PHC2: variants seen among roughly 807,000 people sequenced by gnomAD.
PHC2 encodes polyhomeotic homolog 2.
PHC2 carries 29 observed loss-of-function variants against 87.4 expected under a neutral mutation model. That is an observed-to-expected ratio of 0.33 (90% CI 0.25 to 0.45). The LOEUF is 0.45. Among genes scored for constraint, PHC2 ranks in the 20% least tolerant of loss-of-function variants. The pLI is 1.00. For missense variants in PHC2, 857 were observed against 1,136.7 expected (o/e 0.75, Z 3.54); for synonymous variants, 438 against 461.7 (o/e 0.95, Z 0.66).
intron 14 of PHC2, among the ~76,000 whole-genome samples, chr1:33,326,679 C>T (rs1003419841): frequency 6.6e-6 from 1 of 152,306 alleles, no homozygotes; most frequent in African/African-American, 2.4e-5. Flanking sequence ...GTAGGCCGGG[C>T]GCAGTGGCTC....
chr1:33,339,295 C>G (rs1277932090), intron 9 of PHC2, among the ~76,000 whole-genome samples: 1 of 152,144 alleles, frequency 6.6e-6, no homozygotes, highest in African/African-American at 2.4e-5. Context: ...ATATAGAATA[C>G]AGGGCTGCCT....
chr1:33,346,409 A>C (rs1408909257), intron 9 of PHC2: 2 of 985,314 alleles, frequency 2.0e-6, no homozygotes, highest in African/African-American at 3.5e-5. Context: ...ATAAAAGAGA[A>C]ACTATCAATT....
At chr1:33,325,150 G>T in intron 14 of PHC2, 131 bp from the exon 15 acceptor site, 1 of 899,432 alleles carries the variant, frequency 1.1e-6, no homozygotes, top group Non-Finnish European at 1.6e-6. Context: ...ACCACGCCTT[G>T]AGGAAGGCGC....
chr1:33,334,429 T>G lies in PHC2; in HGVS notation c.1559-137A>C. ...CGACAATGCAAACCAAGCAGTCCCC[T>G]CCCCTCAGTGACCCATTTAAAAGTG... On this transcript the variant is annotated intron_variant, in intron 9 of 14. Coordinates refer to ENST00000683057, the MANE Select transcript of PHC2 (RefSeq NM_001385109.1). The surrounding 1 kb of genome is among the most constrained non-coding windows in gnomAD (Gnocchi z 5.5). 1.4e-6 allele frequency: 1 copy of G among 704,120 alleles called. No homozygotes were observed. Among genetic ancestry groups the G allele is most frequent in the Non-Finnish European group, 2.4e-6 (1 of 414,888 alleles). 43.6% of individuals were successfully genotyped at this position (704,120 alleles called of 1,614,324 possible).
chr1:33,407,155 T>C (rs535965866), intron 1 of PHC2, among the ~76,000 whole-genome samples: 1 of 152,358 alleles, frequency 6.6e-6, no homozygotes, highest in East Asian at 1.9e-4. Flanking sequence ...ATAGATTCCC[T>C]TCTTGCAGAT....
rs561418548 is a variant in PHC2 at position 33,367,338 on chromosome 1, G to T, written c.754C>A (p.Leu252Met). ...TGGCTACCGCCCGGCGTGGGTTTCAGGGCCAAGCTGGGCAGGACAGGCTGA... is the reference window on the plus strand; with the variant it reads ...TGGCTACCGCCCGGCGTGGGTTTCATGGCCAAGCTGGGCAGGACAGGCTGA... Reference protein sequence around the residue: ...PTQPVLPSLALKPTPGGSQPL... With the variant: ...PTQPVLPSLAMKPTPGGSQPL... The change falls in exon 7 of 15, where the codon CTG becomes ATG. Residue 252 changes from leucine (L) to methionine (M), a missense_variant. Physicochemically the swap from Leu to Met is conservative, Grantham distance 15 (BLOSUM62 2). Coordinates refer to ENST00000683057, the MANE Select transcript of PHC2 (RefSeq NM_001385109.1). 10 of 1,613,152 alleles carry T rather than the reference G, an allele frequency of 6.2e-6. No homozygotes were observed. In the East Asian group the frequency reaches 2.0e-4, roughly 32 times the overall value.
intron 1 of PHC2, among the ~76,000 whole-genome samples, chr1:33,413,202 G>C (rs1476364939): frequency 6.6e-6 from 1 of 152,138 alleles, no homozygotes; most frequent in Non-Finnish European, 1.5e-5. Flanking sequence ...CCTGACCTCA[G>C]ATGATCCCCC....
At chr1:33,326,897 C>T (rs1047810729) in intron 14 of PHC2, among the ~76,000 whole-genome samples, 4 of 152,064 alleles carry the variant, frequency 2.6e-5, no homozygotes, top group Admixed American at 6.5e-5. Flanking sequence ...TGCAGTGAGC[C>T]GAGATCACGC....
At chr1:33,430,533 C>G (rs999798448) in intron 1 of PHC2, among the ~76,000 whole-genome samples, 1 of 152,112 alleles carries the variant, frequency 6.6e-6, no homozygotes, top group Non-Finnish European at 1.5e-5. Flanking sequence ...CAGGCGCAGG[C>G]CGCGCAAGAC....
rs1398926854 is a variant in PHC2 at position 33,328,878 on chromosome 1, G to C, written c.2417C>G (p.Ser806Cys). ...NVEDVYEFIR[S>C]LPGCQEIAEE... ...ATTTCCAAGGGCCTTACCTGGCAGA[G>C]AGCGGATGAATTCGTAGACGTCTTC... The change falls in exon 14 of 15, where the codon TCT (serine) becomes TGT (cysteine). Residue 806 changes from serine (S) to cysteine (C), a missense_variant. Physicochemically the swap from Ser to Cys is moderately radical, Grantham distance 112. Around this residue, in one of 3 missense-constraint regions of PHC2, gnomAD observed 832 missense variants for 1,081.8 expected, o/e 0.77. Coordinates refer to ENST00000683057, the MANE Select transcript of PHC2 (RefSeq NM_001385109.1). 1.2e-6 allele frequency: 2 copies of C among 1,607,134 alleles called. No individual in the cohort carries two copies. The highest frequency in any genetic ancestry group is 1.7e-6 in the Non-Finnish European group (2 of 1,174,280).
intron 7 of PHC2, chr1:33,359,053 T>G (rs557847452): frequency 3.3e-5 from 5 of 152,242 alleles, no homozygotes; most frequent in Non-Finnish European, 5.9e-5. Flanking sequence ...TGTACCTCTA[T>G]GTCATCATCT....
chr1:33,358,346 A>T (rs1469903743), intron 7 of PHC2, among the ~76,000 whole-genome samples: 1 of 152,104 alleles, frequency 6.6e-6, no homozygotes, highest in Non-Finnish European at 1.5e-5. Context: ...TTGTTTTAGG[A>T]CAAACGAGGC....
intron 14 of PHC2, 30 bp downstream of exon 14, chr1:33,328,840 G>A (rs919205856): frequency 7.0e-6 from 11 of 1,579,956 alleles, no homozygotes; most frequent in Admixed American, 1.7e-5. Context: ...TTGCTATTCC[G>A]GGGAGACATG....
intron 1 of PHC2, among the ~76,000 whole-genome samples, chr1:33,410,707 GT>G (rs1649948237): frequency 6.6e-6 from 1 of 152,094 alleles, no homozygotes; most frequent in Non-Finnish European, 1.5e-5. Context: ...ATCAGCTGAT[GT>G]CCTCCTCAGT....
intron 1 of PHC2, among the ~76,000 whole-genome samples, chr1:33,392,306 T>C (rs1649100678): frequency 6.6e-6 from 1 of 152,174 alleles, no homozygotes; most frequent in African/African-American, 2.4e-5. Flanking sequence ...TCATAACAGA[T>C]ACAGTTCTAA....
At chr1:33,407,270 C>T (rs936167866) in intron 1 of PHC2, among the ~76,000 whole-genome samples, 2 of 152,172 alleles carry the variant, frequency 1.3e-5, no homozygotes, top group Non-Finnish European at 1.5e-5. Flanking sequence ...TCTGTTGTTT[C>T]TGCTGTTTAC....
intron 1 of PHC2, among the ~76,000 whole-genome samples, chr1:33,405,124 G>C (rs1377043988): frequency 2.6e-5 from 4 of 151,614 alleles, no homozygotes; most frequent in African/African-American, 9.7e-5. Context: ...TTTCATTCCT[G>C]ATTTTGGTTA....
At chr1:33,343,584 C>T (rs990219429) in intron 9 of PHC2, among the ~76,000 whole-genome samples, 12 of 151,458 alleles carry the variant, frequency 7.9e-5, no homozygotes, top group African/African-American at 2.7e-4. Flanking sequence ...ATCTGTCTTA[C>T]ATATAGCTGT....
Position 33,367,330 on chromosome 1 carries a change from G to C in PHC2, c.762C>G (p.Pro254=), listed in dbSNP as rs747703666. The change falls in exon 7 of 15, where the codon CCC becomes CCG. Residue 254 remains proline, a synonymous_variant. Coordinates refer to ENST00000683057, the MANE Select transcript of PHC2 (RefSeq NM_001385109.1). ...QPVLPSLALK[P]TPGGSQPLPT... ...GCAGAGGCTGGCTACCGCCCGGCGT[G>C]GGTTTCAGGGCCAAGCTGGGCAGGA... 1 of 1,613,458 alleles carries C rather than the reference G, an allele frequency of 6.2e-7. No individual in the cohort carries two copies. The highest frequency in any genetic ancestry group is 2.2e-5 in the East Asian group (1 of 44,848).
Sources: gnomAD v4.1 joint callset for allele counts (sites outside exome capture counted in the v4.1 genomes callset) on GRCh38, gnomAD v4.1.1 for gene constraint, gnomAD v4.1.1 regional missense constraint, Gnocchi (gnomAD v3.1) non-coding constraint, MANE v1.5 for transcripts, NCBI Gene and HGNC (gene_info 2026-07-23, HGNC 2026-07-21) for gene names.